The following BRWD1 variants were observed in gnomAD, a reference collection of about 807,000 sequenced individuals.
The protein encoded by BRWD1 is bromodomain and WD repeat-containing protein 1.
Under a neutral mutation model 251.2 loss-of-function variants are expected in BRWD1, and 82 were observed. That is an observed-to-expected ratio of 0.33 (90% CI 0.27 to 0.39). The LOEUF (loss-of-function observed/expected upper bound fraction) is 0.39, where lower values mean the gene tolerates loss of function less well. BRWD1 is among the 10% of genes least tolerant of loss of function. BRWD1 has a pLI of 1.00. For missense variants in BRWD1, 2,233 were observed against 2,711.6 expected (o/e 0.82, Z 3.92); for synonymous variants, 918 against 902.8 (o/e 1.02, Z -0.30).
At chr21:39,236,460 C>A in intron 23 of BRWD1, 135 bp downstream of exon 23, 3 of 791,338 alleles carry the variant, frequency 3.8e-6, no homozygotes, top group Non-Finnish European at 5.9e-6. Context: ...TCGCCCAGAC[C>A]AGCCCCAGAG....
In BRWD1 at chr21:39,197,144, T is replaced by G; in HGVS notation, c.5925A>C (p.Lys1975Asn). The part of the protein sequence containing the change: ...LHLACTTAKK[K>N]LSDCEGSVHC... ...GTACACTTCCTTCACAATCACTCAATTTCTTCTTAGCTGTAGTACAAGCAA... is the reference window on the plus strand; with the variant it reads ...GTACACTTCCTTCACAATCACTCAAGTTCTTCTTAGCTGTAGTACAAGCAA... Residue 1975 changes from lysine to asparagine, a missense_variant, in exon 41 of 41, where the codon AAA becomes AAC. Physicochemically the swap from Lys to Asn is moderately conservative, Grantham distance 94. Transcript: ENST00000342449. 1 of 1,614,118 alleles carries G rather than the reference T, an allele frequency of 6.2e-7. No homozygotes were observed. Among genetic ancestry groups the G allele is most frequent in the South Asian group, 1.1e-5 (1 of 91,080 alleles).
chr21:39,311,588 T>C (rs2036485909), intron 4 of BRWD1, among the ~76,000 whole-genome samples: 1 of 152,242 alleles, frequency 6.6e-6, no homozygotes, highest in South Asian at 2.1e-4. Context: ...TAAGGCTATA[T>C]TATCCGTGAA....
At chr21:39,315,552 T>G (rs1472766222), upstream of BRWD1, among the ~76,000 whole-genome samples, 7 of 151,944 alleles carry the variant, frequency 4.6e-5, no homozygotes, top group Non-Finnish European at 8.8e-5. Context: ...GAGAATCGCT[T>G]GAACCCCGGA....
At chr21:39,306,243 G>A (rs898339341) in intron 4 of BRWD1, among the ~76,000 whole-genome samples, 1 of 151,616 alleles carries the variant, frequency 6.6e-6, no homozygotes. Context: ...CTAATTTTTT[G>A]TATTTTTAGT....
Position 39,258,600 on chromosome 21 carries a change from C to G in BRWD1, c.1958G>C (p.Ser653Thr), listed in dbSNP as rs758709322. The G allele has an allele frequency of 2.5e-6, 4 of 1,613,260 alleles. No homozygotes were observed. The highest frequency in any genetic ancestry group is 3.4e-6 in the Non-Finnish European group (4 of 1,179,626). The change falls in exon 18 of 41, where the codon AGT becomes ACT. Residue 653 changes from serine (S) to threonine (T), a missense_variant. Ser to Thr is a moderately conservative substitution (Grantham distance 58). Coordinates refer to ENST00000342449, the MANE Select transcript of BRWD1 (RefSeq NM_033656.4). ...CTGTCTTATCATTCCATCAAGAATACTCGATTCTGGGCTGCGTTCATCATT... is the reference window on the plus strand; with the variant it reads ...CTGTCTTATCATTCCATCAAGAATAGTCGATTCTGGGCTGCGTTCATCATT... ...NDNDERSPES[S>T]ILDGMIRQLQ...
chr21:39,255,917 C>A, intron 18 of BRWD1, 89 bp from the exon 19 acceptor site: 2 of 1,149,920 alleles, frequency 1.7e-6, no homozygotes, highest in Admixed American at 2.5e-5. Context: ...ACCTAAGATG[C>A]GCACCAAAAA....
chr21:39,197,767 G>A (rs928647028), intron 40 of BRWD1, among the ~76,000 whole-genome samples: 1 of 152,144 alleles, frequency 6.6e-6, no homozygotes, highest in African/African-American at 2.4e-5. Flanking sequence ...TCACACAATG[G>A]TAAGTCTGTG....
At chr21:39,239,411 T>C (rs184762969) in intron 21 of BRWD1, among the ~76,000 whole-genome samples, 27 of 152,202 alleles carry the variant, frequency 1.8e-4, no homozygotes, top group African/African-American at 5.5e-4. Context: ...TGTCCAGTTA[T>C]TCTACCACTG....
intron 19 of BRWD1, among the ~76,000 whole-genome samples, chr21:39,253,543 A>G (rs756710265): frequency 2.6e-5 from 4 of 152,196 alleles, no homozygotes; most frequent in Non-Finnish European, 4.4e-5. Context: ...TCTGATGACC[A>G]TAAGACTTAG....
chr21:39,220,476 G>A (rs182935114), intron 29 of BRWD1, among the ~76,000 whole-genome samples: 23 of 152,284 alleles, frequency 1.5e-4, no homozygotes, highest in East Asian at 9.7e-4. Flanking sequence ...AATTGTTTCC[G>A]ACTAGCTTAA....
intron 36 of BRWD1, among the ~76,000 whole-genome samples, chr21:39,206,598 A>G (rs1427475802): frequency 1.3e-5 from 2 of 152,188 alleles, no homozygotes; most frequent in African/African-American, 4.8e-5. Context: ...CCCTTCTCCC[A>G]AAGTTAGATG....
At chr21:39,293,675 T>G (rs1265409594) in intron 8 of BRWD1, 136 bp downstream of exon 8, 1 of 679,120 alleles carries the variant, frequency 1.5e-6, no homozygotes, top group Non-Finnish European at 2.5e-6. Context: ...TTGTATGATT[T>G]GTATGAATGA....
At chr21:39,218,347 A>AT in intron 30 of BRWD1, 75 bp from the exon 31 acceptor site, 2 of 1,513,038 alleles carry the variant, frequency 1.3e-6, no homozygotes, top group Non-Finnish European at 1.8e-6. Flanking sequence ...GAAATCATTC[A>AT]TAAGATATGG....
Position 39,253,003 on chromosome 21 carries a change from G to A in BRWD1, c.2256-2114C>T, listed in dbSNP as rs2034445573. Among the ~76,000 whole-genome samples, 7 of 152,184 alleles carry A rather than the reference G, an allele frequency of 4.6e-5. No individual in the cohort carries two copies. The South Asian group carries it at 1.4e-3, about 32-fold the overall frequency. On this transcript the variant is annotated intron_variant, in intron 19 of 40. Coordinates refer to ENST00000342449, the MANE Select transcript of BRWD1 (RefSeq NM_033656.4). Reference sequence around the variant, plus strand: ...CTATGCGGTGACCTTAAGACTAGAAGCCAAGGCTGGATGCGGTGGCTCACG... The same window carrying A: ...CTATGCGGTGACCTTAAGACTAGAAACCAAGGCTGGATGCGGTGGCTCACG...
rs1003690988 is a variant in BRWD1, at chr21:39,303,110, CTT to C, written c.199-4530_199-4529del. Among the ~76,000 whole-genome samples, 26 of 152,216 alleles carry C rather than the reference CTT, an allele frequency of 1.7e-4. 2 individuals are homozygous for C. The highest frequency in any genetic ancestry group is 6.3e-4 in the African/African-American group (26 of 41,518). The stretch of plus-strand genomic sequence containing the variant: ...GGATGGTGACAACTAACAGTTATAA[CTT>C]TATTTATTTGGGAAGTGGTAAAGGA... On this transcript the variant is annotated intron_variant, in intron 4 of 40. Transcript: ENST00000342449.
chr21:39,294,650 G>A (rs146037884), intron 7 of BRWD1, among the ~76,000 whole-genome samples: 2,052 of 124,696 alleles, frequency 0.016, 48 homozygotes, highest in African/African-American at 0.053. Context: ...GTGAGACTCC[G>A]TCTCAAAAAA....
At chr21:39,212,734 G>A in intron 33 of BRWD1, 27 bp from the exon 34 acceptor site, 1 of 1,460,990 alleles carries the variant, frequency 6.8e-7, no homozygotes, top group South Asian at 1.2e-5. Context: ...AGCACCTTAA[G>A]TATTTAGAGT....
intron 29 of BRWD1, among the ~76,000 whole-genome samples, chr21:39,223,986 TTAC>T (rs2033283320): frequency 1.3e-5 from 2 of 152,236 alleles, no homozygotes; most frequent in African/African-American, 4.8e-5. Flanking sequence ...GTAGCTGGGA[TTAC>T]AGGCACACGC....
At chr21:39,258,764 G>A in intron 17 of BRWD1, 92 bp from the exon 18 acceptor site, 1 of 827,654 alleles carries the variant, frequency 1.2e-6, no homozygotes, top group Non-Finnish European at 1.7e-6. Flanking sequence ...ATTAACAATG[G>A]TCAGAATTTC....
Sources: allele counts gnomAD v4.1 joint callset (sites outside exome capture counted in the v4.1 genomes callset), GRCh38; gene constraint gnomAD v4.1.1; transcripts MANE v1.5; gene names NCBI Gene and HGNC (gene_info 2026-07-23, HGNC 2026-07-21).